Variants in POTEJ observed in about 807,000 individuals in gnomAD.
POTEJ encodes POTE ankyrin domain family member J.
A neutral mutation model predicts 69.0 loss-of-function variants in POTEJ; 11 were observed. The ratio of observed to expected loss-of-function variants is 0.16; its 90% CI spans 0.10 to 0.26. The LOEUF is 0.26. Ranked by LOEUF, POTEJ falls within the 10% of genes least tolerant of loss-of-function variation. The pLI is 1.00. For synonymous variants in POTEJ, 117 were observed against 381.1 expected (o/e 0.31, Z 8.07); for missense variants, 327 against 1,045.5 (o/e 0.31, Z 9.48).
intron 13 of POTEJ, among the ~76,000 whole-genome samples, chr2:130,650,290 A>G (rs1686761813): frequency 6.6e-6 from 1 of 152,278 alleles, no homozygotes; most frequent in South Asian, 2.1e-4. Context: ...TTTTCTGGCC[A>G]TCCCAACTTT....
At chr2:130,625,122 A>C (rs1685656035) in intron 6 of POTEJ, among the ~76,000 whole-genome samples, 1 of 152,196 alleles carries the variant, frequency 6.6e-6, no homozygotes, top group Admixed American at 6.5e-5. Flanking sequence ...TCTATTTATC[A>C]AAGAGCTTTT....
intron 10 of POTEJ, among the ~76,000 whole-genome samples, chr2:130,639,971 C>T (rs1197927900): frequency 6.6e-6 from 1 of 152,150 alleles, no homozygotes; most frequent in Admixed American, 6.5e-5. Context: ...TTATTCAGTG[C>T]TTACTGTGTG....
chr2:130,638,980 A>G (rs1686218618), intron 10 of POTEJ, among the ~76,000 whole-genome samples: 1 of 152,256 alleles, frequency 6.6e-6, no homozygotes. Context: ...GTGACAGATC[A>G]TCAGGCATTA....
At chr2:130,651,908 A>G (rs1386874992) in intron 13 of POTEJ, among the ~76,000 whole-genome samples, 1 of 144,524 alleles carries the variant, frequency 6.9e-6, no homozygotes, top group African/African-American at 2.7e-5. Flanking sequence ...AAACAAAATC[A>G]TAAGTAATAA....
chr2:130,611,158 G>GT (rs2105188243), upstream of POTEJ, among the ~76,000 whole-genome samples: 1 of 147,754 alleles, frequency 6.8e-6, no homozygotes, highest in African/African-American at 2.5e-5. Flanking sequence ...GCTTGGCTTG[G>GT]TGTTGGTCGC....
At chr2:130,613,370 A>ATGTGTG (rs71212139) in intron 1 of POTEJ, among the ~76,000 whole-genome samples, 12 of 120,964 alleles carry the variant, frequency 9.9e-5, no homozygotes, top group African/African-American at 3.9e-4. Flanking sequence ...ATACATATAT[A>ATGTGTG]TGTGTGTGTG....
intron 10 of POTEJ, among the ~76,000 whole-genome samples, chr2:130,642,260 A>G (rs573638628): frequency 2.2e-3 from 273 of 121,910 alleles, no homozygotes; most frequent in Middle Eastern, 0.011. Flanking sequence ...CCAGGATTAT[A>G]CTTAGAATTT....
At chr2:130,639,861 G>A (rs1686278115) in intron 10 of POTEJ, among the ~76,000 whole-genome samples, 1 of 152,200 alleles carries the variant, frequency 6.6e-6, no homozygotes, top group South Asian at 2.1e-4. Context: ...ACTGTCAAAT[G>A]TCTTTTAGAT....
chr2:130,625,664 G>A (rs2105212384), intron 6 of POTEJ, among the ~76,000 whole-genome samples: 2 of 145,898 alleles, frequency 1.4e-5, no homozygotes, highest in Middle Eastern at 3.5e-3. Context: ...CTGTTTGGGA[G>A]GAAGAGCAGC....
At chr2:130,627,031 T>C (rs1304645537) in intron 6 of POTEJ, among the ~76,000 whole-genome samples, 1 of 152,164 alleles carries the variant, frequency 6.6e-6, no homozygotes, top group Non-Finnish European at 1.5e-5. Flanking sequence ...GAGAAAGCCT[T>C]GGGGGACAGA....
At chr2:130,649,991 A>G (rs1686747279) in intron 13 of POTEJ, among the ~76,000 whole-genome samples, 1 of 152,222 alleles carries the variant, frequency 6.6e-6, no homozygotes, top group South Asian at 2.1e-4. Flanking sequence ...CCTAGCCCAG[A>G]GAAAATGAAG....
intron 13 of POTEJ, among the ~76,000 whole-genome samples, chr2:130,646,906 G>A (rs2105252431): frequency 6.8e-6 from 1 of 147,970 alleles, no homozygotes; most frequent in South Asian, 2.1e-4. Context: ...ATATACTGTT[G>A]GTAAATACAT....
rs1242896574 is a variant in POTEJ at position 130,640,505 on chromosome 2, T to C, written c.1369+1816T>C. Among the ~76,000 whole-genome samples the C allele has an allele frequency of 8.6e-5, 13 of 151,886 alleles. No individual in the cohort carries two copies. The East Asian group carries it at 1.9e-3, about 22-fold the overall frequency. ...AGAGTTGTTTTTTTATTCATTGATA[T>C]CCTAGGATCCCACCTGTCCCTCTTT... On this transcript the variant is annotated intron_variant, in intron 10 of 14. Coordinates refer to ENST00000409602, the MANE Select transcript of POTEJ (RefSeq NM_001277083.2).
At chr2:130,635,035 ACTCC>A (rs1686040939) in intron 9 of POTEJ, among the ~76,000 whole-genome samples, 1 of 142,514 alleles carries the variant, frequency 7.0e-6, no homozygotes, top group African/African-American at 2.6e-5. Flanking sequence ...TCAGGACCTC[ACTCC>A]CTCAAGCTTT....
rs1257720800 is a variant in POTEJ, at chr2:130,628,977, G to A, written c.1016-972G>A. Reference sequence around the variant, plus strand: ...AGAGGTTGCAGTGAGCTGAGATTGCGACACTGCACTCCAGCCTGGTGACAG... The same window carrying A: ...AGAGGTTGCAGTGAGCTGAGATTGCAACACTGCACTCCAGCCTGGTGACAG... On this transcript the variant is annotated intron_variant, in intron 6 of 14. Transcript: ENST00000409602. Among the ~76,000 whole-genome samples, 14 of 148,266 alleles carry A rather than the reference G, an allele frequency of 9.4e-5. No homozygotes were observed. The East Asian group carries it at 9.7e-4, about 10-fold the overall frequency.
At chr2:130,650,244 T>G (rs1193493049) in intron 13 of POTEJ, among the ~76,000 whole-genome samples, 2 of 152,284 alleles carry the variant, frequency 1.3e-5, no homozygotes, top group African/African-American at 4.8e-5. Flanking sequence ...AAAAGTTTCT[T>G]TGTATTAAAG....
rs1438214577 is a variant in POTEJ, at chr2:130,613,281, T to TATACAC, written c.410+1342_410+1343insCACATA. On this transcript the variant is annotated intron_variant, in intron 1 of 14. Coordinates refer to ENST00000409602, the MANE Select transcript of POTEJ (RefSeq NM_001277083.2). ...ACATATATACATATATATACATATGTATATATACATATATATACATATGTA... is the reference window on the plus strand; with the variant it reads ...ACATATATACATATATATACATATGTATACACATATATACATATATATACATATGTA... Among the ~76,000 whole-genome samples, 14 of 55,226 alleles carry TATACAC rather than the reference T, an allele frequency of 2.5e-4. No individual in the cohort carries two copies. In the East Asian group the frequency reaches 9.3e-3, roughly 37 times the overall value. The allele number at this position is 55,226 out of a possible 152,430, so 36.2% of individuals were successfully genotyped here.
At chr2:130,618,226 C>T (rs1187891070) in intron 3 of POTEJ, among the ~76,000 whole-genome samples, 1 of 152,310 alleles carries the variant, frequency 6.6e-6, no homozygotes. Flanking sequence ...GGTCTCTCTC[C>T]TACTCCTTAC....
At chr2:130,638,274 G>C (rs1251798366) in intron 9 of POTEJ, among the ~76,000 whole-genome samples, 1 of 151,672 alleles carries the variant, frequency 6.6e-6, no homozygotes. Flanking sequence ...TGTAGAAGAA[G>C]ACATTAAGCC....
Sources: allele counts gnomAD v4.1 joint callset (sites outside exome capture counted in the v4.1 genomes callset), GRCh38; gene constraint gnomAD v4.1.1; transcripts MANE v1.5; gene names NCBI Gene and HGNC (gene_info 2026-07-23, HGNC 2026-07-21).